Variants in CREBBP observed in about 807,000 individuals in gnomAD.
The protein encoded by CREBBP is CREB binding lysine acetyltransferase.
CREBBP carries 19 observed loss-of-function variants against 265.0 expected under a neutral mutation model. That is an observed-to-expected ratio of 0.07 (90% CI 0.05 to 0.11). The LOEUF (loss-of-function observed/expected upper bound fraction) is 0.11. Among genes scored for constraint, CREBBP ranks in the 10% least tolerant of loss-of-function variants. The probability of loss-of-function intolerance (pLI) is 1.00; values close to 1 mark genes in which losing one functional copy is unlikely to be tolerated. For synonymous variants in CREBBP, 1,457 were observed against 1,223.7 expected (o/e 1.19, Z -3.98); for missense variants, 2,525 against 3,219.0 (o/e 0.78, Z 5.22).
chr16:3,820,270 G>A (rs1309686610), intron 2 of CREBBP, among the ~76,000 whole-genome samples: 1 of 152,194 alleles, frequency 6.6e-6, no homozygotes, highest in Non-Finnish European at 1.5e-5. Flanking sequence ...GCTATCACTC[G>A]CTTGCTCTTG....
intron 2 of CREBBP, among the ~76,000 whole-genome samples, chr16:3,821,466 C>T (rs934179496): frequency 1.3e-5 from 2 of 152,188 alleles, no homozygotes; most frequent in African/African-American, 4.8e-5. Flanking sequence ...TCCATAGCCC[C>T]GCACCCTGGA....
intron 4 of CREBBP, among the ~76,000 whole-genome samples, chr16:3,792,368 G>A (rs1368046134): frequency 2.0e-5 from 3 of 152,096 alleles, no homozygotes; most frequent in African/African-American, 7.2e-5. Context: ...TATTCAACCT[G>A]GAATAGCGAA....
rs148944192 is a variant in CREBBP, at chr16:3,734,319, T to C, written c.4728+1717A>G. Among the ~76,000 whole-genome samples, 514 of 152,242 alleles carry C rather than the reference T, an allele frequency of 3.4e-3. 1 individual carries two copies. Among genetic ancestry groups the C allele is most frequent in the Admixed American group, 7.5e-3 (115 of 15,298 alleles). On this transcript the variant is annotated intron_variant, in intron 28 of 30. Coordinates refer to ENST00000262367, the MANE Select transcript of CREBBP (RefSeq NM_004380.3). ...GCTGACGAAGGCATGTCCCTGCCCATTGTTGTCCATGAACCAAACACACAA... is the reference window on the plus strand; with the variant it reads ...GCTGACGAAGGCATGTCCCTGCCCACTGTTGTCCATGAACCAAACACACAA...
At chr16:3,796,173 C>T (rs1264904391) in intron 3 of CREBBP, among the ~76,000 whole-genome samples, 2 of 152,170 alleles carry the variant, frequency 1.3e-5, no homozygotes, top group Admixed American at 6.5e-5. Flanking sequence ...AAAAATTTAG[C>T]TCTACAAGTA....
chr16:3,781,055 A>C, intron 7 of CREBBP, 149 bp downstream of exon 7: 1 of 1,013,598 alleles, frequency 9.9e-7, no homozygotes, highest in Admixed American at 2.2e-5. Flanking sequence ...CTACATTTAT[A>C]ATTAAAGAAA....
chr16:3,810,637 A>G lies in CREBBP; in HGVS notation c.941T>C (p.Ile314Thr), dbSNP rs762450931. 18 of 1,613,576 alleles carry G rather than the reference A, an allele frequency of 1.1e-5. No homozygotes were observed. Among genetic ancestry groups the G allele is most frequent in the South Asian group, 2.2e-5 (2 of 91,048 alleles). The part of the protein sequence containing the change: ...VNSLPTFPTD[I>T]KNTSVTNVPN... ...CACGTTGGTGACTGAAGTATTCTTG[A>G]TATCTGTAGGGAAGGTGGGCAAACT... The change falls in exon 3 of 31, where the codon ATC becomes ACC. Residue 314 changes from isoleucine (I) to threonine (T), a missense_variant. Around this residue, in one of 19 missense-constraint regions of CREBBP, gnomAD observed 126 missense variants for 171.9 expected, o/e 0.73. Transcript: ENST00000262367.
intron 2 of CREBBP, among the ~76,000 whole-genome samples, chr16:3,829,479 C>T (rs762826899): frequency 2.6e-5 from 4 of 152,116 alleles, no homozygotes; most frequent in African/African-American, 7.2e-5. Context: ...TGCAGGACTA[C>T]GAAGGAATTG....
At chr16:3,746,028 CCTCCAGG>C (rs141422087) in intron 21 of CREBBP, among the ~76,000 whole-genome samples, 26 of 152,354 alleles carry the variant, frequency 1.7e-4, no homozygotes, top group Non-Finnish European at 3.5e-4. Flanking sequence ...GGCTCCGTCA[CCTCCAGG>C]AACCGCCTCA....
intron 2 of CREBBP, among the ~76,000 whole-genome samples, chr16:3,838,974 A>T (rs1266235081): frequency 6.6e-6 from 1 of 152,194 alleles, no homozygotes; most frequent in Non-Finnish European, 1.5e-5. Flanking sequence ...TCACTACTCA[A>T]TATTCTCTGG....
intron 23 of CREBBP, chr16:3,742,001 A>C (rs1283902765): frequency 6.6e-6 from 1 of 151,926 alleles, no homozygotes; most frequent in African/African-American, 2.4e-5. Context: ...AATGGCGTGA[A>C]CCCGGGAGGC....
intron 19 of CREBBP, among the ~76,000 whole-genome samples, chr16:3,754,312 C>T (rs1168111908): frequency 2.0e-5 from 3 of 152,184 alleles, no homozygotes; most frequent in Non-Finnish European, 2.9e-5. Flanking sequence ...GCTAAAGCAA[C>T]CCTGGCAGTC....
intron 2 of CREBBP, among the ~76,000 whole-genome samples, chr16:3,822,079 T>C (rs1488637631): frequency 1.3e-5 from 2 of 152,110 alleles, no homozygotes; most frequent in East Asian, 1.9e-4. Flanking sequence ...GAGTGAATCT[T>C]TGTAAAGACG....
At chr16:3,837,060 T>C (rs1415927630) in intron 2 of CREBBP, among the ~76,000 whole-genome samples, 1 of 152,236 alleles carries the variant, frequency 6.6e-6, no homozygotes, top group Non-Finnish European at 1.5e-5. Context: ...GTATAATCCT[T>C]CTACTTTTTC....
chr16:3,813,888 G>T (rs569838596), intron 2 of CREBBP, among the ~76,000 whole-genome samples: 1 of 152,308 alleles, frequency 6.6e-6, no homozygotes, highest in Admixed American at 6.5e-5. Flanking sequence ...GGTGACAGCT[G>T]AAGGGGTGGG....
At chr16:3,768,148 T>TTG (rs1182388179) in intron 15 of CREBBP, among the ~76,000 whole-genome samples, 79 of 110,976 alleles carry the variant, frequency 7.1e-4, no homozygotes, top group Admixed American at 1.8e-3. Context: ...TTTTTTTTTT[T>TTG]TTTTTTTTTT....
chr16:3,806,979 G>A (rs2053843009), intron 3 of CREBBP, among the ~76,000 whole-genome samples: 1 of 152,092 alleles, frequency 6.6e-6, no homozygotes, highest in South Asian at 2.1e-4. Context: ...TCCATCTAAA[G>A]AGGTCCCTAT....
chr16:3,728,288 A>C lies in CREBBP; in HGVS notation c.6759T>G (p.His2253Gln), dbSNP rs1567260199. 6.2e-7 allele frequency: 1 copy of C among 1,611,466 alleles called. No homozygotes were observed. Among genetic ancestry groups the C allele is most frequent in the Admixed American group, 1.7e-5 (1 of 59,918 alleles). Residue 2253 changes from histidine to glutamine, a missense_variant, in exon 31 of 31, where the codon CAT becomes CAG. His to Gln is a conservative substitution (Grantham distance 24). This residue lies in a region of CREBBP where 473 missense variants were observed against 459.3 expected (regional missense o/e 1.03). Transcript: ENST00000262367. The surrounding 1 kb of genome is among the most constrained non-coding windows in gnomAD (Gnocchi z 8.7). ...CCATGGAGCTGCCCTGGAGGGGGAG[A>C]TGCTGCTGCATGCGCTGCTGCTGCT... ...AMQQQQRMQQ[H>Q]LPLQGSSMGQ...
At chr16:3,740,026 T>A (rs1272428970) in intron 24 of CREBBP, among the ~76,000 whole-genome samples, 1 of 152,238 alleles carries the variant, frequency 6.6e-6, no homozygotes, top group East Asian at 1.9e-4. Flanking sequence ...AGACCAGCAG[T>A]GGATGCTGGA....
chr16:3,849,438 T>TGGG (rs1567360388), intron 2 of CREBBP, among the ~76,000 whole-genome samples: 1 of 12,778 alleles, frequency 7.8e-5, no homozygotes, highest in Non-Finnish European at 5.0e-4. Flanking sequence ...TGTGTGTGTG[T>TGGG]GTGTGTGTGT....
Sources: allele counts gnomAD v4.1 joint callset (sites outside exome capture counted in the v4.1 genomes callset), GRCh38; gene constraint gnomAD v4.1.1; regional missense constraint gnomAD v4.1.1; non-coding constraint Gnocchi (gnomAD v3.1); transcripts MANE v1.5; gene names NCBI Gene and HGNC (gene_info 2026-07-23, HGNC 2026-07-21).